Variants in PHF2 observed in about 807,000 individuals in gnomAD.
PHF2 encodes lysine-specific demethylase PHF2.
A neutral mutation model predicts 120.5 loss-of-function variants in PHF2; 27 were observed. The observed-to-expected ratio is 0.22, with a 90% CI of 0.17 to 0.31. The LOEUF (loss-of-function observed/expected upper bound fraction) is 0.31. PHF2 is among the 10% of genes least tolerant of loss of function. The probability of loss-of-function intolerance (pLI) is 1.00; values close to 1 mark genes in which losing one functional copy is unlikely to be tolerated. For synonymous variants in PHF2, 568 were observed against 592.5 expected, an observed-to-expected ratio of 0.96 and a Z score of 0.60; for missense variants, 1,024 against 1,434.8, an observed-to-expected ratio of 0.71 and a Z score of 4.63.
rs768446881 is a variant in PHF2 at position 93,656,582 on chromosome 9, G to T, written c.1134G>T (p.Leu378=). Residue 378 remains leucine (L), a synonymous_variant, in exon 9 of 22, where the codon CTG becomes CTT. Transcript: ENST00000359246. This position sits in a 1 kb window ranked among gnomAD's most constrained non-coding sequence, Gnocchi z 4.1. ...GCTGGTACATGGGGAAGCACCTGCT[G>T]GAGGCATTCAAAGGTACTGGTCACT... ...TACWYMGKHL[L]EAFKGSHKSG... 2.5e-6 allele frequency: 4 copies of T among 1,612,724 alleles called. No individual in the cohort carries two copies. In the African/African-American group the frequency reaches 5.3e-5, roughly 22 times the overall value.
intron 1 of PHF2, among the ~76,000 whole-genome samples, chr9:93,598,771 A>G (rs1825379128): frequency 6.6e-6 from 1 of 152,178 alleles, no homozygotes; most frequent in Non-Finnish European, 1.5e-5. Flanking sequence ...GGCAGGGCTC[A>G]CATGGAGGCC....
At chr9:93,587,889 C>T (rs868116350) in intron 1 of PHF2, among the ~76,000 whole-genome samples, 1 of 152,170 alleles carries the variant, frequency 6.6e-6, no homozygotes, top group Non-Finnish European at 1.5e-5. Context: ...GCAGCATGGG[C>T]CCCCTGTCTG....
At position 93,593,133 on chromosome 9, in the gene PHF2, A is replaced by G. The variant is rs975309981; in HGVS notation, c.98+16262A>G. On this transcript the variant is annotated intron_variant, in intron 1 of 21. Transcript: ENST00000359246. ...AAAAGAAAAAAAAAGGACTAAGAAC[A>G]GATGCTAAACTGTTCCAGCAGGACG... 1.3e-4 allele frequency among the ~76,000 whole-genome samples: 19 copies of G among 151,128 alleles called. 1 individual carries two copies. The highest frequency in any genetic ancestry group is 9.2e-4 in the Admixed American group (14 of 15,192).
rs757648835 is a variant in PHF2, at chr9:93,602,157, T to C, written c.98+25286T>C. Among the ~76,000 whole-genome samples the C allele has an allele frequency of 3.7e-4, 56 of 151,994 alleles. 1 individual carries two copies. Among genetic ancestry groups the C allele is most frequent in the Admixed American group, 3.3e-3 (51 of 15,250 alleles). On this transcript the variant is annotated intron_variant, in intron 1 of 21. Transcript: ENST00000359246. Reference sequence around the variant, plus strand: ...ACGAGTTCTCTGAAGGTGGTGGAACTATCGAACAAAAGTATGTAAATTCTT... The same window carrying C: ...ACGAGTTCTCTGAAGGTGGTGGAACCATCGAACAAAAGTATGTAAATTCTT...
At chr9:93,580,236 T>C (rs540579328) in intron 1 of PHF2, among the ~76,000 whole-genome samples, 1 of 152,306 alleles carries the variant, frequency 6.6e-6, no homozygotes, top group East Asian at 1.9e-4. Flanking sequence ...TGGAGTGCTG[T>C]CCCAGAATGT....
intron 1 of PHF2, among the ~76,000 whole-genome samples, chr9:93,594,234 G>C (rs1564374372): frequency 6.9e-6 from 1 of 144,606 alleles, no homozygotes; most frequent in Non-Finnish European, 1.5e-5. Flanking sequence ...TTAGTCTGCA[G>C]CCTATCTGCC....
chr9:93,664,364 C>T (rs983321885), intron 14 of PHF2, among the ~76,000 whole-genome samples: 1 of 152,142 alleles, frequency 6.6e-6, no homozygotes, highest in Non-Finnish European at 1.5e-5. Flanking sequence ...GTGGCAACCT[C>T]GAGAGCCTCA....
chr9:93,660,497 G>A lies in PHF2; in HGVS notation c.1635G>A (p.Leu545=). Residue 545 remains leucine, a synonymous_variant, in exon 12 of 22, where the codon CTG becomes CTA. Transcript: ENST00000359246. ...RESASPTIPN[L]DLLEAHTKEA... The stretch of plus-strand genomic sequence containing the variant: ...CAGCCTCACCCACCATCCCCAACCT[G>A]GACCTGCTCGAAGCCCACACCAAGG... The A allele has an allele frequency of 6.2e-7, 1 of 1,604,190 alleles. No individual in the cohort carries two copies. The highest frequency in any genetic ancestry group is 8.5e-7 in the Non-Finnish European group (1 of 1,176,786).
intron 14 of PHF2, among the ~76,000 whole-genome samples, chr9:93,665,454 G>A (rs1289770548): frequency 2.6e-5 from 4 of 152,212 alleles, no homozygotes; most frequent in Admixed American, 1.3e-4. Context: ...CCCACAGTGG[G>A]GACTGAAGGC....
chr9:93,618,377 A>G (rs181891258), intron 1 of PHF2, among the ~76,000 whole-genome samples: 3 of 152,382 alleles, frequency 2.0e-5, no homozygotes, highest in African/African-American at 4.8e-5. Flanking sequence ...GCACACAGAC[A>G]TGGACACGCA....
At chr9:93,597,548 C>T (rs1825358059) in intron 1 of PHF2, among the ~76,000 whole-genome samples, 2 of 151,774 alleles carry the variant, frequency 1.3e-5, no homozygotes, top group South Asian at 4.2e-4. Flanking sequence ...TTGGGGGTGG[C>T]ATTGGGGGCA....
chr9:93,672,866 A>G, intron 17 of PHF2: 2 of 953,914 alleles, frequency 2.1e-6, no homozygotes, highest in Non-Finnish European at 2.5e-6. Context: ...GGAGGTAGGT[A>G]CAGGTGTAGA....
intron 2 of PHF2, among the ~76,000 whole-genome samples, chr9:93,634,599 GA>G (rs1826060279): frequency 6.6e-6 from 1 of 152,256 alleles, no homozygotes; most frequent in Non-Finnish European, 1.5e-5. Context: ...CTGGCACCAA[GA>G]GGGCAGGAGC....
rs1182720110 is a variant in PHF2 at position 93,677,518 on chromosome 9, C to A, written c.3203-70C>A. On this transcript the variant is annotated intron_variant, in intron 21 of 21. Transcript: ENST00000359246. The surrounding 1 kb of genome is among the most constrained non-coding windows in gnomAD (Gnocchi z 4.4). ...TTAGTGTCAGCGGGACCCTCCCCCC[C>A]ACCGGCATGCCACGCCCCTTGCCAT... The A allele has an allele frequency of 3.0e-5, 34 of 1,150,918 alleles. No homozygotes were observed. The East Asian group carries it at 4.9e-4, about 17-fold the overall frequency. 71.3% of individuals were successfully genotyped at this position (1,150,918 alleles called of 1,614,324 possible).
At chr9:93,630,611 C>T (rs1022379391) in intron 2 of PHF2, among the ~76,000 whole-genome samples, 7 of 152,150 alleles carry the variant, frequency 4.6e-5, no homozygotes, top group South Asian at 2.1e-4. Context: ...GCTGAGGCTT[C>T]GTTTTCTTCT....
chr9:93,593,102 A>AG (rs1825262020), intron 1 of PHF2, among the ~76,000 whole-genome samples: 1 of 121,956 alleles, frequency 8.2e-6, no homozygotes, highest in Non-Finnish European at 1.8e-5. Flanking sequence ...AAAAAAAAAA[A>AG]AAAAAAAAAG....
At chr9:93,578,915 G>A (rs1370507734) in intron 1 of PHF2, among the ~76,000 whole-genome samples, 2 of 152,196 alleles carry the variant, frequency 1.3e-5, no homozygotes, top group Admixed American at 6.5e-5. Context: ...TGGGGTGGCT[G>A]TGGGGTCTGA....
intron 1 of PHF2, among the ~76,000 whole-genome samples, chr9:93,619,574 G>C (rs968602767): frequency 6.6e-6 from 1 of 152,208 alleles, no homozygotes; most frequent in African/African-American, 2.4e-5. Flanking sequence ...GCCCCTGGTG[G>C]CCTGTGCTCC....
At position 93,654,470 on chromosome 9, in the gene PHF2, C is replaced by T. The variant is rs201039975; in HGVS notation, c.847C>T (p.Arg283Cys). 49 of 1,613,922 alleles carry T rather than the reference C, an allele frequency of 3.0e-5. No individual in the cohort carries two copies. The highest frequency in any genetic ancestry group is 8.3e-5 in the Admixed American group (5 of 60,008). Reference protein sequence around the residue: ...PASANISLYERWRSASNHSEM... With the variant: ...PASANISLYECWRSASNHSEM... ...CTCGGCCAACATCTCCCTGTATGAG[C>T]GCTGGCGGTCTGCCTCTAACCACAG... Residue 283 changes from arginine (R) to cysteine (C), a missense_variant, in exon 7 of 22, where the codon CGC becomes TGC. By Grantham distance (180) the Arg-to-Cys change is radical. Transcript: ENST00000359246.
Sources: gnomAD v4.1 joint callset for allele counts (sites outside exome capture counted in the v4.1 genomes callset) on GRCh38, gnomAD v4.1.1 for gene constraint, Gnocchi (gnomAD v3.1) non-coding constraint, MANE v1.5 for transcripts, NCBI Gene and HGNC (gene_info 2026-07-23, HGNC 2026-07-21) for gene names.